Variants in CSMD1 observed in about 807,000 individuals in gnomAD.
The protein encoded by CSMD1 is CUB and Sushi multiple domains 1.
A neutral mutation model predicts 417.5 loss-of-function variants in CSMD1; 213 were observed. The observed-to-expected ratio is 0.51, with a 90% CI of 0.46 to 0.57. The LOEUF is 0.57. Among genes scored for constraint, CSMD1 ranks in the 20% least tolerant of loss-of-function variants. The pLI is 0.00. For synonymous variants in CSMD1, 2,862 were observed against 1,736.8 expected (o/e 1.65, Z -16.11); for missense variants, 6,923 against 4,529.7 (o/e 1.53, Z -15.17).
chr8:3,808,041 T>C (rs1487667494), intron 5 of CSMD1, among the ~76,000 whole-genome samples: 1 of 152,180 alleles, frequency 6.6e-6, no homozygotes, highest in African/African-American at 2.4e-5. Context: ...TTAAATTGCC[T>C]TTTCTACAGA....
At chr8:3,503,696 A>C (rs1476588147) in intron 10 of CSMD1, among the ~76,000 whole-genome samples, 2 of 152,208 alleles carry the variant, frequency 1.3e-5, no homozygotes, top group Admixed American at 6.5e-5. Flanking sequence ...AAGAAGCTGG[A>C]TGTCCCCCAT....
At chr8:4,534,048 T>C (rs1213575966) in intron 2 of CSMD1, among the ~76,000 whole-genome samples, 7 of 151,908 alleles carry the variant, frequency 4.6e-5, no homozygotes, top group South Asian at 2.1e-4. Flanking sequence ...TTTATAGATA[T>C]TGTAATTCAG....
chr8:4,539,444 A>G (rs992249099), intron 2 of CSMD1, among the ~76,000 whole-genome samples: 1 of 152,228 alleles, frequency 6.6e-6, no homozygotes, highest in Non-Finnish European at 1.5e-5. Flanking sequence ...TCAGTCTTCA[A>G]AAACTCATCT....
At chr8:4,565,786 ATATATATATATGTATACATATATATATT>A (rs1324338507) in intron 2 of CSMD1, among the ~76,000 whole-genome samples, 28 of 77,074 alleles carry the variant, frequency 3.6e-4, no homozygotes, top group African/African-American at 1.1e-3. Context: ...ATATATATAT[ATATATATATATGTATACATATATATATT>A]ATATACACAC....
chr8:4,956,876 A>T (rs1319134421), intron 1 of CSMD1, among the ~76,000 whole-genome samples: 1 of 152,104 alleles, frequency 6.6e-6, no homozygotes, highest in East Asian at 1.9e-4. Context: ...TTCCCTCCAC[A>T]CCAAGCGGCA....
intron 1 of CSMD1, among the ~76,000 whole-genome samples, chr8:4,973,639 C>T (rs868324158): frequency 6.6e-6 from 1 of 152,126 alleles, no homozygotes; most frequent in African/African-American, 2.4e-5. Context: ...TTCCAAATGC[C>T]ATTAAGTACA....
At chr8:3,757,750 G>A (rs527418994) in intron 5 of CSMD1, among the ~76,000 whole-genome samples, 1 of 152,102 alleles carries the variant, frequency 6.6e-6, no homozygotes, top group South Asian at 2.1e-4. Context: ...TCGGGAGGCT[G>A]AGGCAAGAGA....
At chr8:3,911,511 G>C (rs542684784) in intron 5 of CSMD1, among the ~76,000 whole-genome samples, 2 of 142,370 alleles carry the variant, frequency 1.4e-5, no homozygotes, top group Non-Finnish European at 3.0e-5. Flanking sequence ...CTGGGCAACA[G>C]AGCAAGACTC....
intron 6 of CSMD1, among the ~76,000 whole-genome samples, chr8:3,750,385 C>A (rs1443334468): frequency 1.3e-5 from 2 of 150,516 alleles, no homozygotes; most frequent in East Asian, 1.9e-4. Context: ...ATATATGATT[C>A]AAGTTGTTTG....
chr8:3,627,192 G>C (rs1009991950), intron 7 of CSMD1, among the ~76,000 whole-genome samples: 3 of 152,106 alleles, frequency 2.0e-5, no homozygotes, highest in Non-Finnish European at 4.4e-5. Flanking sequence ...ATGCTATTCA[G>C]ATATTTTGCA....
chr8:4,323,667 C>G (rs1439235797), intron 3 of CSMD1, among the ~76,000 whole-genome samples: 1 of 152,106 alleles, frequency 6.6e-6, no homozygotes, highest in Non-Finnish European at 1.5e-5. Context: ...GTGGACTCTA[C>G]AAACAAGAAT....
chr8:4,754,130 T>G (rs1811518517), intron 1 of CSMD1, among the ~76,000 whole-genome samples: 1 of 152,190 alleles, frequency 6.6e-6, no homozygotes, highest in South Asian at 2.1e-4. Flanking sequence ...TTATTCTTGG[T>G]GGTAGCAATA....
At chr8:3,665,717 T>C (rs892125428) in intron 7 of CSMD1, among the ~76,000 whole-genome samples, 6 of 151,876 alleles carry the variant, frequency 4.0e-5, no homozygotes, top group Non-Finnish European at 5.9e-5. Context: ...ACATATCTTA[T>C]CTCAAATGAA....
At chr8:4,745,588 T>A (rs1000461815) in intron 1 of CSMD1, among the ~76,000 whole-genome samples, 1 of 152,012 alleles carries the variant, frequency 6.6e-6, no homozygotes, top group Non-Finnish European at 1.5e-5. Context: ...TCTTAGATGC[T>A]AGAAATAAAG....
intron 49 of CSMD1, 34 bp from the exon 50 acceptor site, chr8:3,052,681 T>C (rs773219238): frequency 7.0e-6 from 10 of 1,431,934 alleles, no homozygotes; most frequent in Admixed American, 2.6e-5. Context: ...AGGCTTATTC[T>C]TACAGAAATT....
intron 1 of CSMD1, among the ~76,000 whole-genome samples, chr8:4,964,525 AG>A (rs1809723498): frequency 1.5e-5 from 2 of 135,254 alleles, no homozygotes. Flanking sequence ...AAAAAAAAAA[AG>A]GAAGGAAGGA....
intron 2 of CSMD1, among the ~76,000 whole-genome samples, chr8:4,472,936 T>C (rs1800616544): frequency 6.6e-6 from 1 of 151,972 alleles, no homozygotes; most frequent in Non-Finnish European, 1.5e-5. Flanking sequence ...CACTCCATTC[T>C]ATGTAAATCT....
intron 1 of CSMD1, among the ~76,000 whole-genome samples, chr8:4,730,207 AG>A (rs1809751553): frequency 6.6e-6 from 1 of 151,996 alleles, no homozygotes; most frequent in African/African-American, 2.4e-5. Context: ...GGGAGACAGA[AG>A]AAAACAAAAC....
At chr8:3,525,080 G>T (rs1378302614) in intron 10 of CSMD1, among the ~76,000 whole-genome samples, 1 of 152,158 alleles carries the variant, frequency 6.6e-6, no homozygotes, top group Non-Finnish European at 1.5e-5. Flanking sequence ...GCCAACTAAA[G>T]TGAATCTCTT....
Sources: allele counts gnomAD v4.1 joint callset (sites outside exome capture counted in the v4.1 genomes callset), GRCh38; gene constraint gnomAD v4.1.1; transcripts MANE v1.5; gene names NCBI Gene and HGNC (gene_info 2026-07-23, HGNC 2026-07-21).